Variants in IFRD1 observed in about 807,000 individuals in gnomAD.
IFRD1 encodes interferon-related developmental regulator 1.
IFRD1 carries 35 observed loss-of-function variants against 52.9 expected under a neutral mutation model. The observed-to-expected ratio is 0.66, with a 90% confidence interval of 0.51 to 0.88. The LOEUF (loss-of-function observed/expected upper bound fraction) is 0.88, where lower values mean the gene tolerates loss of function less well. Ranked by LOEUF, IFRD1 falls within the 40% of genes least tolerant of loss-of-function variation. The pLI, the probability that IFRD1 is intolerant of heterozygous loss-of-function variation, is 0.00. For synonymous variants in IFRD1, 184 were observed against 188.4 expected (o/e 0.98, Z 0.19); for missense variants, 517 against 550.8 (o/e 0.94, Z 0.61).
At chr7:112,446,066 G>A (rs1170414086), upstream of IFRD1, 1 of 152,414 alleles carries the variant, frequency 6.6e-6, no homozygotes, top group Non-Finnish European at 1.5e-5. Flanking sequence ...CGTGGGGAAG[G>A]ATGTTCTAGG....
intron 3 of IFRD1, 23 bp from the exon 4 acceptor site, chr7:112,456,891 C>T: frequency 1.2e-6 from 2 of 1,611,644 alleles, no homozygotes; most frequent in South Asian, 2.2e-5. Context: ...GATCTTCTTT[C>T]TCTTACATTG....
At position 112,475,719 on chromosome 7, in the gene IFRD1, T is replaced by C; in HGVS notation, c.*200T>C. On this transcript the variant is annotated 3_prime_UTR_variant, in exon 12 of 12. Coordinates refer to ENST00000403825, the MANE Select transcript of IFRD1 (RefSeq NM_001550.4). ...AATATTCTCTGTAAATCAGTAAACA[T>C]GTATAAAGTATTTGTAATGTTTGGT... is the stretch of plus-strand genomic sequence containing the variant. 1.9e-6 allele frequency: 1 copy of C among 534,058 alleles called. No individual in the cohort carries two copies. 33.1% of individuals were successfully genotyped at this position (534,058 alleles called of 1,614,324 possible). A position where few individuals can be genotyped will look rare whatever the true frequency, so the allele number is the denominator to read the frequency against.
chr7:112,457,870 C>CTA (rs971266395), intron 4 of IFRD1: 3 of 152,096 alleles, frequency 2.0e-5, no homozygotes, highest in African/African-American at 7.2e-5. Flanking sequence ...ATTGAATGAA[C>CTA]TAATAAGCTT....
chr7:112,475,841 T>C lies in IFRD1; in HGVS notation c.*322T>C, dbSNP rs1320200290. The C allele has an allele frequency of 8.3e-5, 23 of 277,884 alleles. No homozygotes were observed. The highest frequency in any genetic ancestry group is 1.4e-4 in the Non-Finnish European group (21 of 145,712). 17.2% of individuals were successfully genotyped at this position (277,884 alleles called of 1,614,324 possible). A position where few individuals can be genotyped will look rare whatever the true frequency, so the allele number is the denominator to read the frequency against. On this transcript the variant is annotated 3_prime_UTR_variant, in exon 12 of 12. Transcript: ENST00000403825. ...CTTACACTGTGGTTGTCAAGAATAC[T>C]GATTTACTATAATGATATATACATG...
intron 10 of IFRD1, 24 bp downstream of exon 10, chr7:112,472,371 T>C (rs765733630): frequency 6.2e-7 from 1 of 1,613,778 alleles, no homozygotes; most frequent in Non-Finnish European, 8.5e-7. Context: ...TTTCTACATA[T>C]TTGCTTTTAA....
At chr7:112,450,222 G>C (rs1795116012), upstream of IFRD1, 4 of 168,836 alleles carry the variant, frequency 2.4e-5, no homozygotes, top group South Asian at 4.1e-4. Flanking sequence ...CTGGGAGGAG[G>C]CCCCGGCCCC....
Position 112,476,193 on chromosome 7 carries a change from G to T in IFRD1, c.*674G>T, listed in dbSNP as rs1198279963. On this transcript the variant is annotated 3_prime_UTR_variant, in exon 12 of 12. Transcript: ENST00000403825. ...ATAAAGATTTTTTTCCACACTGAAA[G>T]TGCTTCTCTTCTAATAGAAGAAATA... 1 of 152,266 alleles carries T rather than the reference G, an allele frequency of 6.6e-6. No individual in the cohort carries two copies. Among genetic ancestry groups the T allele is most frequent in the Non-Finnish European group, 1.5e-5 (1 of 68,080 alleles). 9.4% of individuals were successfully genotyped at this position (152,266 alleles called of 1,614,324 possible). A position where few individuals can be genotyped will look rare whatever the true frequency, so the allele number is the denominator to read the frequency against.
intron 1 of IFRD1, among the ~76,000 whole-genome samples, chr7:112,429,184 C>T (rs944525016): frequency 1.3e-5 from 2 of 152,174 alleles, no homozygotes; most frequent in Non-Finnish European, 2.9e-5. Flanking sequence ...GTTTTTATCC[C>T]AATTGTGGCT....
rs969843907 is a variant in IFRD1, at chr7:112,477,123, C to A, written c.*1604C>A. 4 of 152,138 alleles carry A rather than the reference C, an allele frequency of 2.6e-5. No individual in the cohort carries two copies. The highest frequency in any genetic ancestry group is 9.7e-5 in the African/African-American group (4 of 41,414). 9.4% of individuals were successfully genotyped at this position (152,138 alleles called of 1,614,324 possible). On this transcript the variant is annotated 3_prime_UTR_variant, in exon 12 of 12. Coordinates refer to ENST00000403825, the MANE Select transcript of IFRD1 (RefSeq NM_001550.4). ...AAGAGATTGCAAATGGTAGTTTCTTCTAGATATTCAAATGCATATATGTAT... is the reference window on the plus strand; with the variant it reads ...AAGAGATTGCAAATGGTAGTTTCTTATAGATATTCAAATGCATATATGTAT...
intron 5 of IFRD1, among the ~76,000 whole-genome samples, 195 bp downstream of exon 5, chr7:112,459,213 T>A (rs983672632): frequency 4.6e-5 from 7 of 152,148 alleles, no homozygotes; most frequent in Non-Finnish European, 8.8e-5. Flanking sequence ...CACACTGTAT[T>A]TTAACAACAA....
chr7:112,425,655 C>T (rs1325885475), intron 1 of IFRD1, among the ~76,000 whole-genome samples: 1 of 152,190 alleles, frequency 6.6e-6, no homozygotes. Context: ...GGTTCTCCAG[C>T]TGACAGGTGG....
intron 8 of IFRD1, among the ~76,000 whole-genome samples, chr7:112,466,174 A>G (rs953803840): frequency 1.3e-5 from 2 of 152,152 alleles, no homozygotes; most frequent in South Asian, 2.1e-4. Context: ...TAATTATCGT[A>G]AAGTCCTATT....
rs1368912974 is a variant in IFRD1, at chr7:112,458,981, T to A, written c.530T>A (p.Ile177Asn). The change falls in exon 5 of 12, where the codon ATT (isoleucine) becomes AAT (asparagine). Residue 177 changes from isoleucine to asparagine, a missense_variant. By Grantham distance (149) the Ile-to-Asn change is moderately radical. Transcript: ENST00000403825. ...CTTGGACCAATCCTAAAGAAAATCA[T>A]TTGTGATGGGTCAGCTAGTATGCAG... Reference protein sequence around the residue: ...KTLGPILKKIICDGSASMQAR... With the variant: ...KTLGPILKKINCDGSASMQAR... 1 of 1,613,944 alleles carries A rather than the reference T, an allele frequency of 6.2e-7. No individual in the cohort carries two copies. Among genetic ancestry groups the A allele is most frequent in the South Asian group, 1.1e-5 (1 of 91,072 alleles).
intron 8 of IFRD1, among the ~76,000 whole-genome samples, chr7:112,466,398 G>C (rs867923121): frequency 6.6e-6 from 1 of 152,030 alleles, no homozygotes; most frequent in East Asian, 1.9e-4. Flanking sequence ...TTATATTACC[G>C]TGAAGTTTTT....
intron 8 of IFRD1, 84 bp from the exon 9 acceptor site, chr7:112,467,897 A>G (rs1563271209): frequency 7.7e-7 from 1 of 1,291,624 alleles, no homozygotes; most frequent in East Asian, 2.4e-5. Context: ...TATTTTCCAA[A>G]TGTAGACTGT....
upstream of IFRD1, among the ~76,000 whole-genome samples, chr7:112,448,573 G>A (rs1464219131): frequency 6.6e-6 from 1 of 152,172 alleles, no homozygotes; most frequent in Non-Finnish European, 1.5e-5. Context: ...GTCAGTGTGA[G>A]CTGCTTCCTC....
intron 8 of IFRD1, among the ~76,000 whole-genome samples, chr7:112,464,958 T>C (rs1224295036): frequency 2.0e-5 from 3 of 152,210 alleles, no homozygotes; most frequent in Non-Finnish European, 2.9e-5. Flanking sequence ...TTTGCCCTTG[T>C]TTGTATAATA....
intron 1 of IFRD1, among the ~76,000 whole-genome samples, chr7:112,453,096 T>G (rs982367481): frequency 6.6e-6 from 1 of 152,232 alleles, no homozygotes; most frequent in Non-Finnish European, 1.5e-5. Context: ...CTAACTAGTA[T>G]TTTTAAATGA....
intron 9 of IFRD1, among the ~76,000 whole-genome samples, chr7:112,470,872 T>C (rs770556134): frequency 6.6e-6 from 1 of 152,220 alleles, no homozygotes; most frequent in Non-Finnish European, 1.5e-5. Context: ...TTCAGTATAG[T>C]TGCAATTTTT....
Sources: allele counts gnomAD v4.1 joint callset (sites outside exome capture counted in the v4.1 genomes callset), GRCh38; gene constraint gnomAD v4.1.1; transcripts MANE v1.5; gene names NCBI Gene and HGNC (gene_info 2026-07-23, HGNC 2026-07-21).